GNG4: variants seen among roughly 807,000 people sequenced by gnomAD.
The protein encoded by GNG4 is G protein subunit gamma 4.
A neutral mutation model predicts 5.8 loss-of-function variants in GNG4; 4 were observed. The ratio of observed to expected loss-of-function variants is 0.69; its 90% CI spans 0.34 to 1.57. The LOEUF is 1.57. Ranked by LOEUF, GNG4 falls within the 40% of genes most tolerant of loss-of-function variation. GNG4 has a pLI of 0.06. For synonymous variants in GNG4, 29 were observed against 32.9 expected (o/e 0.88, Z 0.41); for missense variants, 96 against 95.1 (o/e 1.01, Z -0.04).
chr1:235,593,457 T>C (rs1052825051), intron 2 of GNG4, among the ~76,000 whole-genome samples: 14 of 152,222 alleles, frequency 9.2e-5, no homozygotes, highest in African/African-American at 3.1e-4. Flanking sequence ...CCATGAGCAC[T>C]TGACAAGTAT....
intron 1 of GNG4, among the ~76,000 whole-genome samples, chr1:235,610,324 A>G (rs928142823): frequency 2.0e-5 from 3 of 152,232 alleles, no homozygotes; most frequent in African/African-American, 4.8e-5. Context: ...CAGTAGCCCA[A>G]GATGTCACCT....
At chr1:235,591,408 G>A (rs1687959852) in intron 2 of GNG4, among the ~76,000 whole-genome samples, 1 of 152,254 alleles carries the variant, frequency 6.6e-6, no homozygotes, top group Non-Finnish European at 1.5e-5. Flanking sequence ...GGGGGAGAAG[G>A]TAATGGCTTT....
chr1:235,633,360 C>T (rs1178109455), intron 1 of GNG4, among the ~76,000 whole-genome samples: 1 of 152,132 alleles, frequency 6.6e-6, no homozygotes, highest in Non-Finnish European at 1.5e-5. Flanking sequence ...GTGCCAGCAC[C>T]CCTTCACCTG....
At chr1:235,560,839 C>G (rs927691954) in intron 3 of GNG4, among the ~76,000 whole-genome samples, 2 of 152,180 alleles carry the variant, frequency 1.3e-5, no homozygotes, top group Admixed American at 6.5e-5. Flanking sequence ...ATCCTAATAA[C>G]CTTTCCTCAA....
In GNG4 at chr1:235,642,161, TCCGAGGCGAACGCAGGGTGGAAGAAC is replaced by T. The variant is rs1353216578; in HGVS notation, c.-123+7475_-123+7500del. Reference sequence around the variant, plus strand: ...GGCATTTCACAGCTAACCACAGCGGTCCGAGGCGAACGCAGGGTGGAAGAACCCGAGCGAGGCCCGGCAGGGGCGGG... The same window carrying T: ...GGCATTTCACAGCTAACCACAGCGGTCCGAGCGAGGCCCGGCAGGGGCGGG... On this transcript the variant is annotated intron_variant, in intron 1 of 3. Transcript: ENST00000391854. This position sits in a 1 kb window ranked among gnomAD's most constrained non-coding sequence, Gnocchi z 4.3. 6.6e-5 allele frequency among the ~76,000 whole-genome samples: 10 copies of T among 152,074 alleles called. No homozygotes were observed. Among genetic ancestry groups the T allele is most frequent in the African/African-American group, 1.9e-4 (8 of 41,384 alleles).
chr1:235,580,131 G>A (rs1392240793), intron 3 of GNG4, among the ~76,000 whole-genome samples: 1 of 152,194 alleles, frequency 6.6e-6, no homozygotes, highest in Non-Finnish European at 1.5e-5. Context: ...TGGATCTTAA[G>A]GACGATAAGT....
chr1:235,627,473 G>A (rs898121975), intron 1 of GNG4, among the ~76,000 whole-genome samples: 1 of 152,038 alleles, frequency 6.6e-6, no homozygotes, highest in African/African-American at 2.4e-5. Context: ...TGCCCGCCTC[G>A]GCTTCCCAAA....
At chr1:235,607,612 C>T (rs935057069) in intron 1 of GNG4, among the ~76,000 whole-genome samples, 2 of 152,244 alleles carry the variant, frequency 1.3e-5, no homozygotes, top group African/African-American at 4.8e-5. Flanking sequence ...TAGTGGGTCA[C>T]GCGCTTTGAT....
chr1:235,641,900 C>T (rs763828541), intron 1 of GNG4, among the ~76,000 whole-genome samples: 24 of 152,202 alleles, frequency 1.6e-4, no homozygotes, highest in African/African-American at 2.7e-4. Flanking sequence ...CATGCACTTA[C>T]TATATCTTAA....
chr1:235,593,784 G>A (rs748154037), intron 2 of GNG4, among the ~76,000 whole-genome samples: 9 of 152,238 alleles, frequency 5.9e-5, no homozygotes, highest in African/African-American at 1.4e-4. Flanking sequence ...GTGGGTTTGT[G>A]GTCTCGCTGG....
intron 3 of GNG4, among the ~76,000 whole-genome samples, chr1:235,564,982 C>T (rs1041598374): frequency 7.9e-5 from 12 of 152,182 alleles, no homozygotes; most frequent in African/African-American, 2.9e-4. Context: ...AGCGCCCAGC[C>T]AGTTATTCTT....
intron 1 of GNG4, among the ~76,000 whole-genome samples, chr1:235,633,394 C>T (rs1688972603): frequency 6.6e-6 from 1 of 152,198 alleles, no homozygotes; most frequent in African/African-American, 2.4e-5. Context: ...TCTCATGTAC[C>T]ATATGGCGGG....
chr1:235,581,804 T>G (rs1393832177), intron 3 of GNG4, among the ~76,000 whole-genome samples: 2 of 152,208 alleles, frequency 1.3e-5, no homozygotes, highest in African/African-American at 4.8e-5. Flanking sequence ...GACTTTCCTC[T>G]TTCTTTTAGT....
intron 1 of GNG4, among the ~76,000 whole-genome samples, chr1:235,639,378 C>T (rs1466483205): frequency 6.6e-6 from 1 of 152,260 alleles, no homozygotes; most frequent in African/African-American, 2.4e-5. Context: ...TTCTCCCTTG[C>T]TGAAACAGAG....
At chr1:235,591,799 C>T (rs1291378608) in intron 2 of GNG4, among the ~76,000 whole-genome samples, 2 of 152,204 alleles carry the variant, frequency 1.3e-5, no homozygotes, top group East Asian at 3.9e-4. Flanking sequence ...CACGTGCTCA[C>T]ACAGCTCTTT....
intron 3 of GNG4, among the ~76,000 whole-genome samples, chr1:235,552,576 G>C (rs537461081): frequency 6.6e-6 from 1 of 152,146 alleles, no homozygotes; most frequent in Non-Finnish European, 1.5e-5. Flanking sequence ...TTGCTAAACC[G>C]TTTCTGGAAG....
At chr1:235,568,337 C>T (rs1368726665) in intron 3 of GNG4, among the ~76,000 whole-genome samples, 1 of 151,714 alleles carries the variant, frequency 6.6e-6, no homozygotes, top group Admixed American at 6.6e-5. Context: ...TGTGTGGATC[C>T]AGCCATGTGC....
intron 1 of GNG4, among the ~76,000 whole-genome samples, chr1:235,609,030 A>C (rs12745495): frequency 5.8e-4 from 88 of 152,112 alleles, no homozygotes; most frequent in Non-Finnish European, 1.2e-3. Context: ...CAGGGGTCTC[A>C]CATTGCTGTC....
rs573079031 is a variant in GNG4, at chr1:235,553,242, C to T, written c.100-1005G>A. Reference sequence around the variant, plus strand: ...GAGCAGGTTGGGAGAGGGCGGGGTGCGGACAAGCATTTGCTAAGAGGGAGA... The same window carrying T: ...GAGCAGGTTGGGAGAGGGCGGGGTGTGGACAAGCATTTGCTAAGAGGGAGA... On this transcript the variant is annotated intron_variant, in intron 3 of 3. Transcript: ENST00000391854. 1.2e-4 allele frequency among the ~76,000 whole-genome samples: 18 copies of T among 152,210 alleles called. 2 individuals carry two copies. In the South Asian group the frequency reaches 2.5e-3, roughly 21 times the overall value.
Sources: gnomAD v4.1 joint callset for allele counts (sites outside exome capture counted in the v4.1 genomes callset) on GRCh38, gnomAD v4.1.1 for gene constraint, Gnocchi (gnomAD v3.1) non-coding constraint, MANE v1.5 for transcripts, NCBI Gene and HGNC (gene_info 2026-07-23, HGNC 2026-07-21) for gene names.